The following L3MBTL4 variants were observed in gnomAD, a reference collection of about 807,000 sequenced individuals.
L3MBTL4 encodes the protein L3MBTL histone methyl-lysine binding protein 4, also known as lethal(3)malignant brain tumor-like protein 4.
In L3MBTL4, 70 loss-of-function variants were observed where a neutral mutation model predicts 84.5. The observed-to-expected ratio is 0.83, with a 90% confidence interval of 0.68 to 1.01. L3MBTL4 has a LOEUF of 1.01. Ranked by LOEUF, L3MBTL4 falls within the 50% of genes least tolerant of loss-of-function variation. The probability of loss-of-function intolerance (pLI) is 0.00; values close to 1 mark genes in which losing one functional copy is unlikely to be tolerated. For missense variants in L3MBTL4, 715 were observed against 754.8 expected (o/e 0.95, Z 0.62); for synonymous variants, 274 against 259.8 (o/e 1.05, Z -0.52).
chr18:6,380,667 C>T (rs967415833), intron 1 of L3MBTL4, among the ~76,000 whole-genome samples: 1 of 152,210 alleles, frequency 6.6e-6, no homozygotes, highest in Non-Finnish European at 1.5e-5. Context: ...TTTGATTGCA[C>T]TGTGGTCTGA....
chr18:6,115,563 C>A (rs150648558), intron 14 of L3MBTL4, among the ~76,000 whole-genome samples: 4 of 152,124 alleles, frequency 2.6e-5, no homozygotes, highest in African/African-American at 9.6e-5. Flanking sequence ...ACCTACAAGG[C>A]GATGCTCATT....
At chr18:6,294,836 G>T (rs907655226) in intron 4 of L3MBTL4, among the ~76,000 whole-genome samples, 1 of 152,136 alleles carries the variant, frequency 6.6e-6, no homozygotes, top group South Asian at 2.1e-4. Context: ...GTCTTCAGAG[G>T]GGGTTCCTCT....
Position 6,239,712 on chromosome 18 carries a change from T to C in L3MBTL4, c.707+6A>G. Reference sequence around the variant, plus strand: ...CACAAAAATAAAACACACATTCATATCTCACCAGTAATCGTAACTATCATC... The same window carrying C: ...CACAAAAATAAAACACACATTCATACCTCACCAGTAATCGTAACTATCATC... On this transcript the variant is annotated splice_donor_region_variant and intron_variant, in intron 9 of 18. Coordinates refer to ENST00000317931, the MANE Select transcript of L3MBTL4 (RefSeq NM_001330559.2). 1 of 1,612,342 alleles carries C rather than the reference T, an allele frequency of 6.2e-7. No homozygotes were observed. The highest frequency in any genetic ancestry group is 8.5e-7 in the Non-Finnish European group (1 of 1,179,562).
intron 10 of L3MBTL4, among the ~76,000 whole-genome samples, chr18:6,233,743 C>A (rs760698203): frequency 9.9e-4 from 151 of 152,082 alleles, no homozygotes; most frequent in East Asian, 1.4e-3. Context: ...CATACTGCCC[C>A]AGGTAATTTA....
At chr18:6,058,025 T>G (rs766748251) in intron 16 of L3MBTL4, among the ~76,000 whole-genome samples, 1 of 152,222 alleles carries the variant, frequency 6.6e-6, no homozygotes, top group Non-Finnish European at 1.5e-5. Context: ...TTAACTCAAG[T>G]ATGCTGGAAC....
chr18:6,057,509 G>C (rs1290795359), intron 16 of L3MBTL4, among the ~76,000 whole-genome samples: 1 of 152,004 alleles, frequency 6.6e-6, no homozygotes, highest in Admixed American at 6.5e-5. Flanking sequence ...TTCTCTCTCT[G>C]TTTAGTTTCT....
intron 1 of L3MBTL4, among the ~76,000 whole-genome samples, chr18:6,372,812 A>C (rs2054209870): frequency 6.6e-6 from 1 of 152,226 alleles, no homozygotes; most frequent in African/African-American, 2.4e-5. Flanking sequence ...AAACAAAAAA[A>C]GGAACAACAG....
At chr18:6,297,153 T>C (rs976753241) in intron 4 of L3MBTL4, among the ~76,000 whole-genome samples, 1 of 152,102 alleles carries the variant, frequency 6.6e-6, no homozygotes, top group African/African-American at 2.4e-5. Flanking sequence ...TTCAGTGCAA[T>C]GATGATTATA....
chr18:6,135,296 A>G (rs1255033821), intron 14 of L3MBTL4, among the ~76,000 whole-genome samples: 2 of 152,198 alleles, frequency 1.3e-5, no homozygotes, highest in African/African-American at 4.8e-5. Context: ...AAGGTCCCTG[A>G]CATGGCCTGG....
intron 16 of L3MBTL4, chr18:6,080,134 G>C (rs1015863511): frequency 5.9e-5 from 9 of 152,272 alleles, no homozygotes; most frequent in African/African-American, 2.2e-4. Context: ...AGCACAGTGT[G>C]CTAATTCACT....
intron 1 of L3MBTL4, among the ~76,000 whole-genome samples, chr18:6,392,189 A>G (rs1226720116): frequency 2.0e-5 from 3 of 152,218 alleles, no homozygotes; most frequent in Non-Finnish European, 4.4e-5. Context: ...GAGCCCAGAA[A>G]TAAAGCCAAA....
At chr18:6,163,819 G>A (rs8097609) in intron 13 of L3MBTL4, among the ~76,000 whole-genome samples, 3,746 of 152,252 alleles carry the variant, frequency 0.025, 165 homozygotes, top group African/African-American at 0.085. Context: ...ACTGGGGAAC[G>A]CTGGACAGTG....
chr18:6,343,955 T>C (rs1034068002), intron 1 of L3MBTL4, among the ~76,000 whole-genome samples: 2 of 134,530 alleles, frequency 1.5e-5, no homozygotes, highest in African/African-American at 2.9e-5. Context: ...ATAAGAATGA[T>C]GTCAAATAAA....
chr18:6,369,886 C>T (rs1392143093), intron 1 of L3MBTL4, among the ~76,000 whole-genome samples: 1 of 152,116 alleles, frequency 6.6e-6, no homozygotes, highest in East Asian at 1.9e-4. Context: ...ATAATCCTAG[C>T]ACTTTGGGAG....
rs143267593 is a variant in L3MBTL4 at position 6,309,017 on chromosome 18, A to G, written c.72+2537T>C. Among the ~76,000 whole-genome samples the G allele has an allele frequency of 3.3e-5, 5 of 152,348 alleles. No individual in the cohort carries two copies. The East Asian group carries it at 9.6e-4, about 29-fold the overall frequency. On this transcript the variant is annotated intron_variant, in intron 3 of 18. Coordinates refer to ENST00000317931, the MANE Select transcript of L3MBTL4 (RefSeq NM_001330559.2). The stretch of plus-strand genomic sequence containing the variant: ...CTGACAGATATTAATATTATCATCT[A>G]AAATTATTAGATATCCAAGGTATGA...
chr18:6,052,794 TA>T (rs2145820726), intron 16 of L3MBTL4, among the ~76,000 whole-genome samples: 1 of 152,312 alleles, frequency 6.6e-6, no homozygotes, highest in African/African-American at 2.4e-5. Context: ...CTAATGGACA[TA>T]AAGAATTCCA....
chr18:6,193,988 T>A (rs1220243989), intron 12 of L3MBTL4, among the ~76,000 whole-genome samples: 1 of 152,120 alleles, frequency 6.6e-6, no homozygotes, highest in Non-Finnish European at 1.5e-5. Context: ...CAGTACTTTG[T>A]GGGGTCGAAG....
chr18:6,144,314 A>C (rs1397634883), intron 13 of L3MBTL4, among the ~76,000 whole-genome samples: 1 of 152,090 alleles, frequency 6.6e-6, no homozygotes, highest in African/African-American at 2.4e-5. Context: ...GCTTGTCTGA[A>C]ATCCCTCTCT....
intron 4 of L3MBTL4, among the ~76,000 whole-genome samples, chr18:6,268,653 T>C (rs1012128449): frequency 1.3e-5 from 2 of 152,220 alleles, no homozygotes; most frequent in Non-Finnish European, 2.9e-5. Context: ...ACCAACTTCA[T>C]AAACCCTAAA....
Sources: gnomAD v4.1 joint callset for allele counts (sites outside exome capture counted in the v4.1 genomes callset) on GRCh38, gnomAD v4.1.1 for gene constraint, MANE v1.5 for transcripts, NCBI Gene and HGNC (gene_info 2026-07-23, HGNC 2026-07-21) for gene names.